Variants in KIF6 observed in about 807,000 individuals in gnomAD.
The protein encoded by KIF6 is kinesin-like protein KIF6.
A neutral mutation model predicts 112.7 loss-of-function variants in KIF6; 106 were observed. The observed-to-expected ratio is 0.94, with a 90% CI of 0.80 to 1.11. The LOEUF is 1.11. Among genes scored for constraint, KIF6 ranks in the 50% least tolerant of loss-of-function variants. KIF6 has a pLI of 0.00. For synonymous variants in KIF6, 339 were observed against 339.9 expected (o/e 1.00, Z 0.03); for missense variants, 929 against 964.0 (o/e 0.96, Z 0.48).
intron 2 of KIF6, chr6:39,718,581 C>T (rs1790009811): frequency 2.5e-5 from 1 of 39,270 alleles, no homozygotes; most frequent in African/African-American, 5.7e-5. Flanking sequence ...CCAGTCTCTA[C>T]CAAAAAAAAA....
intron 10 of KIF6, among the ~76,000 whole-genome samples, chr6:39,573,232 C>T (rs78041995): frequency 8.9e-4 from 135 of 152,008 alleles, no homozygotes; most frequent in East Asian, 3.1e-3. Flanking sequence ...AGAGTTTGGG[C>T]GCAATAAGAG....
At chr6:39,624,968 C>T (rs1784014242) in intron 5 of KIF6, among the ~76,000 whole-genome samples, 1 of 111,498 alleles carries the variant, frequency 9.0e-6, no homozygotes, top group African/African-American at 3.7e-5. Flanking sequence ...GGAGGTAATT[C>T]GGTTTAAATG....
chr6:39,337,215 C>CTT (rs796820525), intron 22 of KIF6, among the ~76,000 whole-genome samples: 2 of 94,950 alleles, frequency 2.1e-5, no homozygotes, highest in East Asian at 2.5e-4. Context: ...TTCTTTCTTT[C>CTT]TTTCTTTCTT....
At chr6:39,592,899 T>C (rs1215886955) in intron 7 of KIF6, among the ~76,000 whole-genome samples, 2 of 152,212 alleles carry the variant, frequency 1.3e-5, no homozygotes, top group African/African-American at 4.8e-5. Context: ...TAATGCTGCA[T>C]GGAATTTGTG....
rs1762902032 is a variant in KIF6, at chr6:39,336,136, A to C, written c.*396T>G. Reference sequence around the variant, plus strand: ...CTGGCAAATCGTTAAAAATAAAAATATTCCCCCCACATTCCACTGGTGTGA... The same window carrying C: ...CTGGCAAATCGTTAAAAATAAAAATCTTCCCCCCACATTCCACTGGTGTGA... On this transcript the variant is annotated 3_prime_UTR_variant, in exon 23 of 23. Transcript: ENST00000287152. 6.0e-6 allele frequency: 1 copy of C among 166,734 alleles called. No individual in the cohort carries two copies. The highest frequency in any genetic ancestry group is 1.3e-5 in the Non-Finnish European group (1 of 77,974). 10.3% of individuals were successfully genotyped at this position (166,734 alleles called of 1,614,324 possible). A position where few individuals can be genotyped will look rare whatever the true frequency, so the allele number is the denominator to read the frequency against.
intron 3 of KIF6, among the ~76,000 whole-genome samples, chr6:39,655,400 A>G (rs983811043): frequency 6.6e-6 from 1 of 152,104 alleles, no homozygotes; most frequent in African/African-American, 2.4e-5. Context: ...TCTCCCAGAT[A>G]GTAGCTTACC....
At chr6:39,514,415 A>G (rs2150514752) in intron 13 of KIF6, among the ~76,000 whole-genome samples, 1 of 152,336 alleles carries the variant, frequency 6.6e-6, no homozygotes, top group African/African-American at 2.4e-5. Flanking sequence ...TCAGCATTTA[A>G]GCAGAAAGGA....
chr6:39,435,988 T>C (rs1771500601), intron 13 of KIF6, among the ~76,000 whole-genome samples: 2 of 152,180 alleles, frequency 1.3e-5, no homozygotes, highest in South Asian at 4.1e-4. Flanking sequence ...TAGCAGAGTA[T>C]AAGCATTCCC....
intron 10 of KIF6, among the ~76,000 whole-genome samples, chr6:39,560,128 G>A (rs1779934885): frequency 6.6e-6 from 1 of 152,178 alleles, no homozygotes; most frequent in Non-Finnish European, 1.5e-5. Context: ...TCACTGCTGG[G>A]ATGTGTGGAC....
intron 13 of KIF6, among the ~76,000 whole-genome samples, chr6:39,460,713 T>C (rs937643622): frequency 8.5e-5 from 13 of 152,176 alleles, no homozygotes; most frequent in Admixed American, 4.6e-4. Context: ...CCTAGAATTC[T>C]ATATGCAGCT....
At chr6:39,412,340 A>C (rs1769541340) in intron 15 of KIF6, among the ~76,000 whole-genome samples, 1 of 152,216 alleles carries the variant, frequency 6.6e-6, no homozygotes, top group Non-Finnish European at 1.5e-5. Context: ...AGAGACCTTA[A>C]TAAGTCATCT....
At chr6:39,402,968 G>C (rs1239800952) in intron 15 of KIF6, among the ~76,000 whole-genome samples, 1 of 152,082 alleles carries the variant, frequency 6.6e-6, no homozygotes, top group Non-Finnish European at 1.5e-5. Context: ...ACTGCGTTCA[G>C]CCTGAAATAA....
chr6:39,718,588 A>AAG (rs1051841749), intron 2 of KIF6: 1 of 151,458 alleles, frequency 6.6e-6, no homozygotes, highest in Non-Finnish European at 1.5e-5. Context: ...CTACCAAAAA[A>AAG]AAAAAAATTA....
At chr6:39,393,006 A>T (rs1033426928) in intron 15 of KIF6, among the ~76,000 whole-genome samples, 1 of 152,238 alleles carries the variant, frequency 6.6e-6, no homozygotes, top group African/African-American at 2.4e-5. Context: ...ACAGAACTTC[A>T]GGGAATCAGA....
chr6:39,712,284 G>T (rs1789600227), intron 3 of KIF6, among the ~76,000 whole-genome samples: 2 of 149,424 alleles, frequency 1.3e-5, no homozygotes, highest in South Asian at 4.2e-4. Context: ...AGAAAGACAA[G>T]ACAAAGGCTG....
intron 14 of KIF6, among the ~76,000 whole-genome samples, chr6:39,426,794 C>G (rs1053195273): frequency 1.3e-5 from 2 of 152,110 alleles, no homozygotes; most frequent in Non-Finnish European, 2.9e-5. Flanking sequence ...GGGGGAACCA[C>G]TCACTGTCCC....
chr6:39,611,240 G>A lies in KIF6; in HGVS notation c.639+1949C>T, dbSNP rs138149772. 7.7e-3 allele frequency among the ~76,000 whole-genome samples: 1,176 copies of A among 152,188 alleles called. 18 individuals are homozygous for A. The highest frequency in any genetic ancestry group is 0.027 in the African/African-American group (1,119 of 41,524). On this transcript the variant is annotated intron_variant, in intron 6 of 22. Transcript: ENST00000287152. ...CAAGAATGGCTTGAACCCGGGAGATGGAGGTTTCAGTGAGCCATCACACAC... is the reference window on the plus strand; with the variant it reads ...CAAGAATGGCTTGAACCCGGGAGATAGAGGTTTCAGTGAGCCATCACACAC...
chr6:39,717,566 G>C (rs1241484368), intron 2 of KIF6, among the ~76,000 whole-genome samples: 2 of 151,588 alleles, frequency 1.3e-5, no homozygotes, highest in Non-Finnish European at 2.9e-5. Context: ...CCCCTTCTTT[G>C]TCACACTTTT....
chr6:39,588,146 G>C (rs1030430907), intron 7 of KIF6, among the ~76,000 whole-genome samples: 3 of 152,080 alleles, frequency 2.0e-5, no homozygotes, highest in African/African-American at 7.2e-5. Flanking sequence ...TCTTGATCCT[G>C]TTTTCTGTCT....
Sources: allele counts gnomAD v4.1 joint callset (sites outside exome capture counted in the v4.1 genomes callset), GRCh38; gene constraint gnomAD v4.1.1; transcripts MANE v1.5; gene names NCBI Gene and HGNC (gene_info 2026-07-23, HGNC 2026-07-21).